Variants in CALD1 observed in about 807,000 individuals in gnomAD.
CALD1 encodes the protein caldesmon 1.
CALD1 carries 33 observed loss-of-function variants against 99.9 expected under a neutral mutation model. That is an observed-to-expected ratio of 0.33 (90% confidence interval 0.25 to 0.44). The LOEUF (loss-of-function observed/expected upper bound fraction) is 0.44. Among genes scored for constraint, CALD1 ranks in the 20% least tolerant of loss-of-function variants. The pLI, the probability that CALD1 is intolerant of heterozygous loss-of-function variation, is 1.00. For missense variants in CALD1, 861 were observed against 962.1 expected (o/e 0.89, Z 1.39); for synonymous variants, 310 against 325.0 (o/e 0.95, Z 0.50).
At chr7:134,903,624 T>C (rs1440985158) in intron 3 of CALD1, among the ~76,000 whole-genome samples, 1 of 152,148 alleles carries the variant, frequency 6.6e-6, no homozygotes, top group Non-Finnish European at 1.5e-5. Flanking sequence ...TGCCTTCACA[T>C]GGCCAAGATT....
chr7:134,797,015 ATTT>A (rs71669098), intron 1 of CALD1, among the ~76,000 whole-genome samples: 1 of 149,970 alleles, frequency 6.7e-6, no homozygotes, highest in Admixed American at 6.7e-5. Flanking sequence ...TGTAGTAAGA[ATTT>A]TTTTTTTCTT....
chr7:134,782,975 G>C (rs1797166060), intron 1 of CALD1, among the ~76,000 whole-genome samples: 1 of 152,134 alleles, frequency 6.6e-6, no homozygotes, highest in South Asian at 2.1e-4. Flanking sequence ...GAATAAGATG[G>C]GCCATCAGTG....
chr7:134,828,097 ACTTTT>A (rs1420537095), intron 1 of CALD1, among the ~76,000 whole-genome samples: 1 of 152,176 alleles, frequency 6.6e-6, no homozygotes, highest in East Asian at 1.9e-4. Flanking sequence ...ACTCTGTGGC[ACTTTT>A]CTTACTAAAA....
At chr7:134,779,240 A>G (rs1797009972), upstream of CALD1, among the ~76,000 whole-genome samples, 1 of 152,082 alleles carries the variant, frequency 6.6e-6, no homozygotes. Context: ...TTATTGCTGC[A>G]TTTGTGTTCT....
rs747112909 is a variant in CALD1, at chr7:134,960,146, G to A, written c.2199+35G>A. 4 of 1,608,932 alleles carry A rather than the reference G, an allele frequency of 2.5e-6. No homozygotes were observed. In the South Asian group the frequency reaches 3.3e-5, roughly 13 times the overall value. ...TGATTTTTGTCTCTTAAGTGTAGAG[G>A]GGCATATTTTTTTGCATGTCGATTT... On this transcript the variant is annotated intron_variant, in intron 12 of 14. Transcript: ENST00000361675.
chr7:134,754,206 G>A (rs1796709147), intron 1 of CALD1, among the ~76,000 whole-genome samples: 1 of 152,214 alleles, frequency 6.6e-6, no homozygotes, highest in African/African-American at 2.4e-5. Flanking sequence ...AGGTTCCTGT[G>A]CTGGGGCCTG....
At chr7:134,899,194 CTTCT>C (rs1326049209) in intron 3 of CALD1, among the ~76,000 whole-genome samples, 2 of 151,222 alleles carry the variant, frequency 1.3e-5, no homozygotes, top group African/African-American at 2.4e-5. Flanking sequence ...AGAACAAATG[CTTCT>C]TTCTTTTTCT....
chr7:134,849,474 TGCATATCCTATCGTATAC>T (rs899830429), intron 2 of CALD1, among the ~76,000 whole-genome samples: 12 of 152,198 alleles, frequency 7.9e-5, no homozygotes, highest in Non-Finnish European at 1.6e-4. Context: ...ACATAATCTA[TGCATATCCTATCGTATAC>T]TTTAAATCAT....
intron 1 of CALD1, among the ~76,000 whole-genome samples, chr7:134,793,366 CCTCT>C (rs564387990): frequency 3.7e-4 from 57 of 152,308 alleles, no homozygotes; most frequent in Middle Eastern, 6.8e-3. Context: ...TCCTCTCTCT[CCTCT>C]CTATCTATCC....
chr7:134,787,714 G>T lies in CALD1; in HGVS notation c.-130+7965G>T, dbSNP rs138226488. ...TTATCTCTAGGTTCTTCCTTTATTC[G>T]GCAGTTAGGAATTACATCCTCTGTA... On this transcript the variant is annotated intron_variant, in intron 1 of 14. Transcript: ENST00000361675. 1.9e-4 allele frequency among the ~76,000 whole-genome samples: 29 copies of T among 152,198 alleles called. No individual in the cohort carries two copies. The East Asian group carries it at 5.6e-3, about 29-fold the overall frequency.
At position 134,955,905 on chromosome 7, in the gene CALD1, G is replaced by A. The variant is rs373620350; in HGVS notation, c.1936-2164G>A. On this transcript the variant is annotated intron_variant, in intron 9 of 14. Transcript: ENST00000361675. ...TAAAAATAGGATAGATGGATGGATA[G>A]ATGGATGGATGGATGGACGGACGGA... is the stretch of plus-strand genomic sequence containing the variant. Among the ~76,000 whole-genome samples, 13 of 152,190 alleles carry A rather than the reference G, an allele frequency of 8.5e-5. No individual in the cohort carries two copies. The East Asian group carries it at 2.3e-3, about 27-fold the overall frequency.
At chr7:134,896,348 C>A (rs1802574875) in intron 3 of CALD1, among the ~76,000 whole-genome samples, 1 of 268 alleles carries the variant, frequency 3.7e-3, no homozygotes, top group South Asian at 0.25. Context: ...TAACACTGAC[C>A]AATTTGTCTA....
At chr7:134,900,459 T>C (rs1586247121) in intron 3 of CALD1, among the ~76,000 whole-genome samples, 1 of 152,266 alleles carries the variant, frequency 6.6e-6, no homozygotes, top group East Asian at 1.9e-4. Flanking sequence ...TGGTTGTTCA[T>C]CTTCACTAAC....
intron 11 of CALD1, 119 bp from the exon 12 acceptor site, chr7:134,959,855 G>T: frequency 1.0e-6 from 1 of 966,326 alleles, no homozygotes; most frequent in Non-Finnish European, 1.5e-6. Flanking sequence ...TCTCATTTTT[G>T]GTGGAGGTGT....
chr7:134,960,749 T>C, intron 13 of CALD1, 121 bp downstream of exon 13: 1 of 636,336 alleles, frequency 1.6e-6, no homozygotes, highest in Non-Finnish European at 2.8e-6. Context: ...CTTTCCCTGA[T>C]GAATAGCAAA....
At chr7:134,760,267 C>T (rs1333595321) in intron 1 of CALD1, among the ~76,000 whole-genome samples, 1 of 152,210 alleles carries the variant, frequency 6.6e-6, no homozygotes. Context: ...CATAACCCCG[C>T]TTGCACAGTT....
intron 1 of CALD1, among the ~76,000 whole-genome samples, chr7:134,769,588 A>ACT (rs201373535): frequency 9.5e-5 from 14 of 148,146 alleles, no homozygotes; most frequent in African/African-American, 3.0e-4. Flanking sequence ...TTATACACAC[A>ACT]CTCTCTCTCT....
intron 6 of CALD1, among the ~76,000 whole-genome samples, chr7:134,938,160 T>C (rs1244423261): frequency 2.0e-5 from 3 of 152,148 alleles, no homozygotes; most frequent in African/African-American, 7.2e-5. Context: ...AAGACGTCCA[T>C]GTTATAGAAA....
intron 3 of CALD1, among the ~76,000 whole-genome samples, chr7:134,894,801 T>C (rs536349053): frequency 6.6e-6 from 1 of 152,330 alleles, no homozygotes; most frequent in Non-Finnish European, 1.5e-5. Context: ...TGCGGTTTAA[T>C]ATTTTCACTG....
Sources: allele counts gnomAD v4.1 joint callset (sites outside exome capture counted in the v4.1 genomes callset), GRCh38; gene constraint gnomAD v4.1.1; transcripts MANE v1.5; gene names NCBI Gene and HGNC (gene_info 2026-07-23, HGNC 2026-07-21).